Variants in THSD7B observed in about 807,000 individuals in gnomAD.
The protein encoded by THSD7B is thrombospondin type-1 domain-containing protein 7B.
In THSD7B, 138 loss-of-function variants were observed where a neutral mutation model predicts 213.6. The ratio of observed to expected loss-of-function variants is 0.65; its 90% CI spans 0.56 to 0.74. The LOEUF is 0.74. Ranked by LOEUF, THSD7B falls within the 30% of genes least tolerant of loss-of-function variation. The pLI is 0.00. For synonymous variants in THSD7B, 742 were observed against 687.0 expected, an observed-to-expected ratio of 1.08 and a Z score of -1.25; for missense variants, 1,931 against 1,991.5, an observed-to-expected ratio of 0.97 and a Z score of 0.58.
intron 12 of THSD7B, among the ~76,000 whole-genome samples, chr2:137,325,822 G>A (rs558418331): frequency 3.9e-5 from 6 of 152,118 alleles, no homozygotes; most frequent in Non-Finnish European, 7.4e-5. Flanking sequence ...TGTCTGCTTC[G>A]CAGTGCTTCT....
chr2:136,998,426 TTAAA>T (rs1276154387), intron 2 of THSD7B, among the ~76,000 whole-genome samples: 21 of 152,250 alleles, frequency 1.4e-4, no homozygotes, highest in African/African-American at 4.8e-4. Flanking sequence ...CTACTCACAC[TTAAA>T]TGAGTGAGGA....
intron 2 of THSD7B, among the ~76,000 whole-genome samples, chr2:136,891,428 C>T (rs1421165441): frequency 1.3e-5 from 2 of 152,130 alleles, no homozygotes; most frequent in Non-Finnish European, 2.9e-5. Context: ...GAGTATGGGT[C>T]CCTCAAATAA....
Position 137,070,053 on chromosome 2 carries a change from C to T in THSD7B, c.950+12823C>T, listed in dbSNP as rs1412729393. ...GTACATATTGAACATTAACATGTTT[C>T]TAAAAATAAAAAATATGCATAGTTA... On this transcript the variant is annotated intron_variant, in intron 3 of 27. Transcript: ENST00000409968. Among the ~76,000 whole-genome samples, 5 of 151,680 alleles carry T rather than the reference C, an allele frequency of 3.3e-5. 1 individual carries two copies. Among genetic ancestry groups the T allele is most frequent in the Admixed American group, 3.3e-4 (5 of 15,200 alleles).
chr2:137,193,335 G>A (rs1174495396), intron 7 of THSD7B, among the ~76,000 whole-genome samples: 1 of 152,146 alleles, frequency 6.6e-6, no homozygotes, highest in Non-Finnish European at 1.5e-5. Context: ...AATTTATGAG[G>A]TGCAAATTGA....
At chr2:136,822,732 A>G (rs1682585506) in intron 1 of THSD7B, among the ~76,000 whole-genome samples, 1 of 152,154 alleles carries the variant, frequency 6.6e-6, no homozygotes, top group Admixed American at 6.5e-5. Context: ...CAGGGCATAC[A>G]CTTTCCTTTG....
intron 2 of THSD7B, among the ~76,000 whole-genome samples, chr2:136,938,810 G>C (rs947136236): frequency 1.3e-5 from 2 of 152,162 alleles, no homozygotes; most frequent in African/African-American, 4.8e-5. Flanking sequence ...TTCTGTAATA[G>C]AGTAATCTGA....
rs552463607 is a variant in THSD7B, at chr2:137,088,676, A to G, written c.951-6197A>G. 3.3e-5 allele frequency among the ~76,000 whole-genome samples: 5 copies of G among 152,226 alleles called. No homozygotes were observed. In the South Asian group the frequency reaches 8.3e-4, roughly 25 times the overall value. The stretch of plus-strand genomic sequence containing the variant: ...CTTTTGCATGGCAATAGGAACCATC[A>G]GCAAAATAAACAGACAACCCACAGA... On this transcript the variant is annotated intron_variant, in intron 3 of 27. Coordinates refer to ENST00000409968, the MANE Select transcript of THSD7B (RefSeq NM_001316349.2).
intron 1 of THSD7B, among the ~76,000 whole-genome samples, chr2:136,827,615 A>G (rs1225229133): frequency 6.6e-6 from 1 of 152,092 alleles, no homozygotes; most frequent in Non-Finnish European, 1.5e-5. Context: ...TGGATTGAAA[A>G]CCAAGGCAGA....
At chr2:136,768,299 A>G (rs1174385038) in intron 1 of THSD7B, among the ~76,000 whole-genome samples, 1 of 152,218 alleles carries the variant, frequency 6.6e-6, no homozygotes, top group East Asian at 1.9e-4. Context: ...CTCTAAGTTA[A>G]AGGAGGGAGA....
chr2:137,054,196 T>C (rs532785672), intron 2 of THSD7B, among the ~76,000 whole-genome samples: 1 of 152,320 alleles, frequency 6.6e-6, no homozygotes, highest in East Asian at 1.9e-4. Context: ...CTCTATACTA[T>C]AAGCAGTCTG....
intron 15 of THSD7B, among the ~76,000 whole-genome samples, chr2:137,478,222 A>G (rs1044134641): frequency 6.6e-6 from 1 of 152,282 alleles, no homozygotes; most frequent in South Asian, 2.1e-4. Flanking sequence ...AACACCAAAA[A>G]TTCACTCTGT....
intron 4 of THSD7B, among the ~76,000 whole-genome samples, chr2:137,112,698 T>C (rs980148624): frequency 6.6e-6 from 1 of 152,144 alleles, no homozygotes; most frequent in African/African-American, 2.4e-5. Flanking sequence ...ACTTAGACCA[T>C]GGCAACTGTG....
At chr2:137,116,290 G>T (rs192366770) in intron 5 of THSD7B, among the ~76,000 whole-genome samples, 2 of 152,296 alleles carry the variant, frequency 1.3e-5, no homozygotes, top group African/African-American at 4.8e-5. Flanking sequence ...CAGGGCTACA[G>T]CTGTTTTTGA....
intron 17 of THSD7B, among the ~76,000 whole-genome samples, chr2:137,606,119 C>A (rs946321431): frequency 9.9e-5 from 15 of 152,088 alleles, no homozygotes; most frequent in Non-Finnish European, 2.1e-4. Context: ...ATTTTCTAAC[C>A]CCTGGAAAGA....
chr2:137,140,081 A>C (rs1179840629), intron 5 of THSD7B, among the ~76,000 whole-genome samples: 1 of 151,620 alleles, frequency 6.6e-6, no homozygotes, highest in East Asian at 1.9e-4. Context: ...GCCTGTCCTA[A>C]GAATATCAGG....
chr2:136,991,258 G>A (rs999845996), intron 2 of THSD7B, among the ~76,000 whole-genome samples: 1 of 152,158 alleles, frequency 6.6e-6, no homozygotes, highest in Admixed American at 6.5e-5. Context: ...TTTAGTCAGA[G>A]AGAACGCATG....
chr2:137,248,254 A>T (rs996817167), intron 10 of THSD7B, among the ~76,000 whole-genome samples: 1 of 152,148 alleles, frequency 6.6e-6, no homozygotes, highest in African/African-American at 2.4e-5. Context: ...AGTTCCTGCA[A>T]TTATTAAGTC....
intron 15 of THSD7B, among the ~76,000 whole-genome samples, chr2:137,484,742 G>T: frequency 1.6e-5 from 1 of 64,190 alleles, no homozygotes; most frequent in Non-Finnish European, 3.0e-5. Context: ...ATCTCATTGT[G>T]GTTTTGATTT....
At chr2:137,566,450 G>A (rs141730675) in intron 16 of THSD7B, among the ~76,000 whole-genome samples, 196 of 152,278 alleles carry the variant, frequency 1.3e-3, no homozygotes, top group African/African-American at 4.4e-3. Context: ...TAAATAACAA[G>A]GTATGATCTG....
Sources: allele counts gnomAD v4.1 joint callset (sites outside exome capture counted in the v4.1 genomes callset), GRCh38; gene constraint gnomAD v4.1.1; transcripts MANE v1.5; gene names NCBI Gene and HGNC (gene_info 2026-07-23, HGNC 2026-07-21).